The following KDM6A variants were observed in gnomAD, a reference collection of about 807,000 sequenced individuals.
KDM6A encodes lysine demethylase 6A.
A neutral mutation model predicts 117.6 loss-of-function variants in KDM6A; 11 were observed. The ratio of observed to expected loss-of-function variants is 0.09; its 90% CI spans 0.06 to 0.15. The LOEUF is 0.15. Ranked by LOEUF, KDM6A falls within the 10% of genes least tolerant of loss-of-function variation. KDM6A has a pLI of 1.00. For synonymous variants in KDM6A, 384 were observed against 396.1 expected (o/e 0.97, Z 0.36); for missense variants, 799 against 1,077.3 (o/e 0.74, Z 3.62).
At chrX:44,936,836 T>TG (rs2147001376) in intron 2 of KDM6A, among the ~76,000 whole-genome samples, 1 of 112,297 alleles carries the variant, frequency 8.9e-6, no homozygotes, top group Non-Finnish European at 1.9e-5. Flanking sequence ...TTTCCACTTG[T>TG]GGCATCATGT....
At chrX:44,939,069 C>T (rs972308657) in intron 2 of KDM6A, among the ~76,000 whole-genome samples, 4 of 112,549 alleles carry the variant, frequency 3.6e-5, no homozygotes, top group African/African-American at 1.3e-4. Context: ...TGCCTGCTAA[C>T]ACAACATCCA....
Position 44,913,501 on chromosome X carries a change from C to T in KDM6A, c.225+39514C>T, listed in dbSNP as rs769009664. Among the ~76,000 whole-genome samples the T allele has an allele frequency of 1.7e-4, 19 of 109,253 alleles. No homozygotes were observed. In the South Asian group the frequency reaches 7.6e-3, roughly 44 times the overall value. 94.9% of individuals were successfully genotyped at this position (109,253 alleles called of 115,157 possible). On this transcript the variant is annotated intron_variant, in intron 2 of 29. Coordinates refer to ENST00000611820, the MANE Select transcript of KDM6A (RefSeq NM_001291415.2). ...TTTTTTTTGTAGAGACTGGGTTTCA[C>T]CATGTTGGCCAGGCTGGTCTCGAAC...
At chrX:45,107,613 A>G in intron 28 of KDM6A, 77 bp downstream of exon 28, 1 of 1,059,980 alleles carries the variant, frequency 9.4e-7, no homozygotes, top group East Asian at 3.1e-5. Flanking sequence ...TTATTTTTAA[A>G]AAACTTTTTT....
intron 6 of KDM6A, among the ~76,000 whole-genome samples, chrX:45,022,396 C>G (rs1279975884): frequency 9.0e-6 from 1 of 111,398 alleles, no homozygotes; most frequent in Non-Finnish European, 1.9e-5. Flanking sequence ...GTGAGGGCAG[C>G]CTTCTTTTGG....
chrX:44,999,005 A>G lies in KDM6A; in HGVS notation c.385-11956A>G, dbSNP rs781328829. Among the ~76,000 whole-genome samples the G allele has an allele frequency of 8.9e-5, 10 of 111,935 alleles. No individual in the cohort carries two copies. The South Asian group carries it at 3.7e-3, about 42-fold the overall frequency. On this transcript the variant is annotated intron_variant, in intron 4 of 29. Transcript: ENST00000611820. ...AACCTTATTATATACGTTTTTGTCA[A>G]CAAAAAGAGTCAAACTCTGTAAAAC...
Position 45,043,057 on chromosome X carries a change from A to G in KDM6A, c.654+5368A>G, listed in dbSNP as rs1008661592. ...GTAATCCCAGCACTTTGGGAGGCCA[A>G]GGTGGGTGGATCACTTGAGCTCAAG... On this transcript the variant is annotated intron_variant, in intron 8 of 29. Transcript: ENST00000611820. 8.9e-5 allele frequency among the ~76,000 whole-genome samples: 10 copies of G among 112,383 alleles called. 1 individual carries two copies. The South Asian group carries it at 1.1e-3, about 12-fold the overall frequency.
chrX:44,890,471 G>A (rs1396646226), intron 2 of KDM6A, among the ~76,000 whole-genome samples: 1 of 110,279 alleles, frequency 9.1e-6, no homozygotes, highest in African/African-American at 3.3e-5. Flanking sequence ...ACTGTTTCCC[G>A]GAGCTGCTCT....
At chrX:45,039,335 G>A in intron 8 of KDM6A, among the ~76,000 whole-genome samples, 1 of 109,357 alleles carries the variant, frequency 9.1e-6, no homozygotes, top group Middle Eastern at 4.6e-3. Flanking sequence ...TTTTTAATGA[G>A]TATTTTTGCC....
At chrX:44,921,524 C>G (rs187127800) in intron 2 of KDM6A, among the ~76,000 whole-genome samples, 16 of 111,620 alleles carry the variant, frequency 1.4e-4, no homozygotes, top group African/African-American at 4.9e-4. Flanking sequence ...CCACAATCAT[C>G]TCCCCACCCC....
In KDM6A at chrX:44,956,663, G is replaced by A. The variant is rs73488888; in HGVS notation, c.226-4621G>A. Among the ~76,000 whole-genome samples the A allele has an allele frequency of 5.7e-3, 641 of 111,536 alleles. 7 individuals are homozygous for A. Among genetic ancestry groups the A allele is most frequent in the African/African-American group, 0.02 (612 of 30,639 alleles). On this transcript the variant is annotated intron_variant, in intron 2 of 29. Coordinates refer to ENST00000611820, the MANE Select transcript of KDM6A (RefSeq NM_001291415.2). ...AAGGAATCCTCCTGCCTTTTGCTGG[G>A]ATTATAGGCGTGCTGGGATTATAGG...
intron 9 of KDM6A, 76 bp downstream of exon 9, chrX:45,051,878 G>C: frequency 1.7e-6 from 1 of 571,794 alleles, no homozygotes; most frequent in East Asian, 3.5e-5. Context: ...TGGCAAATAT[G>C]TGGCTCATAT....
intron 2 of KDM6A, among the ~76,000 whole-genome samples, chrX:44,940,865 G>A (rs970592871): frequency 1.8e-5 from 2 of 110,845 alleles, no homozygotes; most frequent in African/African-American, 3.3e-5. Flanking sequence ...GAGAAACCCC[G>A]TCTCTACTAA....
intron 25 of KDM6A, among the ~76,000 whole-genome samples, chrX:45,088,370 G>A (rs1383723035): frequency 1.8e-5 from 2 of 113,041 alleles, no homozygotes; most frequent in African/African-American, 3.2e-5. Flanking sequence ...TTTCCATGAA[G>A]GGCCAGATAA....
chrX:44,997,185 G>T (rs978729858), intron 4 of KDM6A, among the ~76,000 whole-genome samples: 4 of 112,690 alleles, frequency 3.5e-5, no homozygotes, highest in African/African-American at 1.3e-4. Context: ...CGCAAGGACA[G>T]AGGGTTTCCT....
intron 7 of KDM6A, among the ~76,000 whole-genome samples, chrX:45,036,162 G>A (rs12835922): frequency 1.8e-5 from 2 of 110,938 alleles, no homozygotes; most frequent in Middle Eastern, 4.2e-3. Flanking sequence ...CTGCCACTTA[G>A]GCTGGAGTGC....
chrX:44,920,509 G>A (rs1439332148), intron 2 of KDM6A, among the ~76,000 whole-genome samples: 1 of 108,855 alleles, frequency 9.2e-6, no homozygotes, highest in East Asian at 2.9e-4. Flanking sequence ...CGCAGTCTCC[G>A]CTCACTGCAA....
intron 2 of KDM6A, among the ~76,000 whole-genome samples, chrX:44,960,112 T>C (rs1224976444): frequency 8.9e-6 from 1 of 111,801 alleles, no homozygotes; most frequent in Non-Finnish European, 1.9e-5. Flanking sequence ...TCGAAGTGAG[T>C]ACTCTGTCCC....
intron 25 of KDM6A, among the ~76,000 whole-genome samples, chrX:45,089,165 A>G (rs184408095): frequency 1.1e-4 from 12 of 112,277 alleles, no homozygotes; most frequent in Admixed American, 4.7e-4. Flanking sequence ...AAGTGAATTT[A>G]TGTGTTACTT....
intron 18 of KDM6A, among the ~76,000 whole-genome samples, chrX:45,074,071 C>A (rs2044994074): frequency 8.9e-6 from 1 of 111,868 alleles, no homozygotes; most frequent in Non-Finnish European, 1.9e-5. Flanking sequence ...AGGAAGGGAT[C>A]CCGTTTCAGC....
Sources: allele counts gnomAD v4.1 joint callset (sites outside exome capture counted in the v4.1 genomes callset), GRCh38; gene constraint gnomAD v4.1.1; transcripts MANE v1.5; gene names NCBI Gene and HGNC (gene_info 2026-07-23, HGNC 2026-07-21).